Variants in ARHGAP12 observed in about 807,000 individuals in gnomAD.
ARHGAP12 encodes the protein Rho GTPase activating protein 12, also known as rho GTPase-activating protein 12.
In ARHGAP12, 64 loss-of-function variants were observed where a neutral mutation model predicts 108.6. The observed-to-expected ratio is 0.59, with a 90% CI of 0.48 to 0.73. ARHGAP12 has a LOEUF of 0.73. ARHGAP12 is among the 30% of genes least tolerant of loss of function. The pLI is 0.00. For synonymous variants in ARHGAP12, 312 were observed against 337.2 expected (o/e 0.93, Z 0.82); for missense variants, 940 against 1,005.9 (o/e 0.93, Z 0.89).
At chr10:31,832,235 G>A (rs1835861087) in intron 9 of ARHGAP12, among the ~76,000 whole-genome samples, 1 of 152,116 alleles carries the variant, frequency 6.6e-6, no homozygotes, top group Non-Finnish European at 1.5e-5. Context: ...TTGTCAAAAT[G>A]TAAAAATAGG....
chr10:31,855,939 G>A (rs1044507161), intron 4 of ARHGAP12, among the ~76,000 whole-genome samples: 2 of 152,130 alleles, frequency 1.3e-5, no homozygotes, highest in Non-Finnish European at 2.9e-5. Context: ...TGGCAGTTAA[G>A]TAAAAGTTAA....
At chr10:31,860,194 CAAG>C (rs1055802722) in intron 4 of ARHGAP12, among the ~76,000 whole-genome samples, 2 of 152,258 alleles carry the variant, frequency 1.3e-5, no homozygotes, top group African/African-American at 4.8e-5. Context: ...AAAAATGGGA[CAAG>C]AAGGGAGTTA....
intron 3 of ARHGAP12, among the ~76,000 whole-genome samples, chr10:31,890,441 T>C (rs889969427): frequency 2.0e-5 from 3 of 152,174 alleles, no homozygotes; most frequent in African/African-American, 7.2e-5. Flanking sequence ...AGCCATTATA[T>C]AGCAGAAATC....
At chr10:31,920,449 C>CAAAAAAAAAAAAAAAAAAA (rs71027040) in intron 1 of ARHGAP12, among the ~76,000 whole-genome samples, 39 of 59,598 alleles carry the variant, frequency 6.5e-4, no homozygotes, top group African/African-American at 2.7e-3. Context: ...GACTCCGTCT[C>CAAAAAAAAAAAAAAAAAAA]AAAAAAAAAA....
At chr10:31,926,417 G>C (rs543102814) in intron 1 of ARHGAP12, among the ~76,000 whole-genome samples, 1 of 151,718 alleles carries the variant, frequency 6.6e-6, no homozygotes, top group Admixed American at 6.6e-5. Flanking sequence ...TTGAAGTACA[G>C]TGATGCTATG....
intron 4 of ARHGAP12, among the ~76,000 whole-genome samples, chr10:31,857,625 C>T (rs1278942051): frequency 1.3e-5 from 2 of 152,174 alleles, no homozygotes; most frequent in Non-Finnish European, 2.9e-5. Flanking sequence ...CTTTACCCAG[C>T]TACATCACAG....
intron 3 of ARHGAP12, among the ~76,000 whole-genome samples, chr10:31,867,281 GAGAAA>G (rs1454951613): frequency 2.0e-5 from 3 of 151,994 alleles, no homozygotes; most frequent in Non-Finnish European, 4.4e-5. Flanking sequence ...CAAAGTGTAT[GAGAAA>G]AGAATAGACG....
Position 31,814,252 on chromosome 10 carries a change from A to G in ARHGAP12, c.1834+7T>C, listed in dbSNP as rs1835120254. The G allele has an allele frequency of 6.2e-7, 1 of 1,610,540 alleles. No homozygotes were observed. The highest frequency in any genetic ancestry group is 8.5e-7 in the Non-Finnish European group (1 of 1,176,866). The stretch of plus-strand genomic sequence containing the variant: ...ATCCTTAGCAAAATAGGGAAAGGAC[A>G]ACTTACAACGAAGCTTTTTGGGATC... On this transcript the variant is annotated splice_region_variant and intron_variant, in intron 14 of 19. Coordinates refer to ENST00000344936, the MANE Select transcript of ARHGAP12 (RefSeq NM_018287.7).
chr10:31,905,072 A>T (rs1292590772), intron 3 of ARHGAP12, among the ~76,000 whole-genome samples: 1 of 152,162 alleles, frequency 6.6e-6, no homozygotes, highest in East Asian at 1.9e-4. Flanking sequence ...TGTGATATCG[A>T]CAAGGAAGGG....
At chr10:31,863,788 T>C (rs1186575589) in intron 3 of ARHGAP12, among the ~76,000 whole-genome samples, 5 of 152,144 alleles carry the variant, frequency 3.3e-5, no homozygotes, top group Non-Finnish European at 7.4e-5. Context: ...CGATCATCTC[T>C]ACAGACACCA....
intron 1 of ARHGAP12, among the ~76,000 whole-genome samples, chr10:31,925,459 T>C (rs1195068033): frequency 6.6e-6 from 1 of 152,228 alleles, no homozygotes; most frequent in African/African-American, 2.4e-5. Context: ...TATGTTAGTA[T>C]GGTACATTTG....
chr10:31,838,331 A>C (rs1035199087), intron 9 of ARHGAP12, among the ~76,000 whole-genome samples: 4 of 152,170 alleles, frequency 2.6e-5, no homozygotes, highest in African/African-American at 9.7e-5. Flanking sequence ...GGAGGCACTC[A>C]GGAGCCAGAG....
intron 3 of ARHGAP12, among the ~76,000 whole-genome samples, chr10:31,900,846 T>C (rs775935469): frequency 6.6e-6 from 1 of 152,154 alleles, no homozygotes; most frequent in Non-Finnish European, 1.5e-5. Context: ...TTTTTTTTAA[T>C]GTAGGCATTT....
At chr10:31,918,367 GA>G (rs1839653597) in intron 1 of ARHGAP12, among the ~76,000 whole-genome samples, 1 of 146,680 alleles carries the variant, frequency 6.8e-6, no homozygotes, top group African/African-American at 2.5e-5. Context: ...ACACCAATGA[GA>G]TACCACTTCA....
intron 4 of ARHGAP12, among the ~76,000 whole-genome samples, chr10:31,856,515 T>A (rs552969992): frequency 6.6e-6 from 1 of 152,238 alleles, no homozygotes; most frequent in African/African-American, 2.4e-5. Flanking sequence ...TTTACCCCAA[T>A]AATTGGGGAA....
chr10:31,916,341 AC>A (rs1271840084), intron 1 of ARHGAP12, among the ~76,000 whole-genome samples: 1 of 150,948 alleles, frequency 6.6e-6, no homozygotes. Context: ...AACAACCACC[AC>A]CCCCGACACA....
intron 9 of ARHGAP12, 70 bp downstream of exon 9, chr10:31,839,235 G>A (rs1463343110): frequency 2.1e-6 from 3 of 1,457,446 alleles, no homozygotes; most frequent in Non-Finnish European, 2.8e-6. Flanking sequence ...GCACAGACTT[G>A]GCAATATATT....
At chr10:31,867,305 G>A (rs538273730) in intron 3 of ARHGAP12, among the ~76,000 whole-genome samples, 1 of 152,042 alleles carries the variant, frequency 6.6e-6, no homozygotes, top group South Asian at 2.1e-4. Flanking sequence ...CGAGGACTCC[G>A]TATTTGTGAA....
At chr10:31,819,956 A>T (rs200190858) in intron 12 of ARHGAP12, among the ~76,000 whole-genome samples, 14 of 91,118 alleles carry the variant, frequency 1.5e-4, no homozygotes, top group Middle Eastern at 5.7e-3. Flanking sequence ...GGAAAGGTTT[A>T]AAAAAAAAAA....
Sources: gnomAD v4.1 joint callset for allele counts (sites outside exome capture counted in the v4.1 genomes callset) on GRCh38, gnomAD v4.1.1 for gene constraint, MANE v1.5 for transcripts, NCBI Gene and HGNC (gene_info 2026-07-23, HGNC 2026-07-21) for gene names.